SPARC: variants seen among roughly 807,000 people sequenced by gnomAD.
SPARC encodes secreted protein acidic and cysteine rich.
Under a neutral mutation model 37.7 loss-of-function variants are expected in SPARC, and 23 were observed. The ratio of observed to expected loss-of-function variants is 0.61; its 90% CI spans 0.44 to 0.87. The LOEUF (loss-of-function observed/expected upper bound fraction) is 0.87. Among genes scored for constraint, SPARC ranks in the 40% least tolerant of loss-of-function variants. The pLI, the probability that SPARC is intolerant of heterozygous loss-of-function variation, is 0.00. For missense variants in SPARC, 312 were observed against 389.0 expected, an observed-to-expected ratio of 0.80 and a Z score of 1.66; for synonymous variants, 155 against 150.8, an observed-to-expected ratio of 1.03 and a Z score of -0.20.
intron 4 of SPARC, 54 bp from the exon 5 acceptor site, chr5:151,671,748 C>T: frequency 6.2e-7 from 1 of 1,605,776 alleles, no homozygotes; most frequent in Non-Finnish European, 8.5e-7. Flanking sequence ...CACATCCACC[C>T]CCATCCTACC....
At position 151,667,574 on chromosome 5, in the gene SPARC, G is replaced by A. The variant is rs754981050; in HGVS notation, c.478C>T (p.Leu160=). ...KYIPPCLDSE[L]TEFPLRMRDW... ...CGCATGCGCAGGGGGAATTCGGTCA[G>A]CTCAGAGTCCAGGCAAGGGGGGATG... Residue 160 remains leucine (L), a synonymous_variant, in exon 7 of 10, where the codon CTG becomes TTG. Transcript: ENST00000231061. The A allele has an allele frequency of 6.2e-7, 1 of 1,614,168 alleles. No homozygotes were observed. Among genetic ancestry groups the A allele is most frequent in the Non-Finnish European group, 8.5e-7 (1 of 1,180,024 alleles).
In SPARC at chr5:151,661,506, G is replaced by T. The variant is rs1312846109; in HGVS notation, c.*2065C>A. The T allele has an allele frequency of 1.3e-5, 2 of 152,194 alleles. No individual in the cohort carries two copies. The highest frequency in any genetic ancestry group is 2.9e-5 in the Non-Finnish European group (2 of 68,036). 9.4% of individuals were successfully genotyped at this position (152,194 alleles called of 1,614,324 possible). The stretch of plus-strand genomic sequence containing the variant: ...TCTTAACATAACTTAAAATAAGAGA[G>T]GGGAAATGACATCTGGAGATCTAGG... On this transcript the variant is annotated 3_prime_UTR_variant, in exon 10 of 10. Coordinates refer to ENST00000231061, the MANE Select transcript of SPARC (RefSeq NM_003118.4).
intron 1 of SPARC, among the ~76,000 whole-genome samples, chr5:151,683,925 G>A (rs1761068527): frequency 6.6e-6 from 1 of 152,170 alleles, no homozygotes; most frequent in South Asian, 2.1e-4. Flanking sequence ...ATCCCTATGG[G>A]TTTGTACCTG....
chr5:151,663,622 G>A (rs543198389), intron 9 of SPARC, 23 bp from the exon 10 acceptor site: 35 of 1,613,342 alleles, frequency 2.2e-5, no homozygotes, highest in South Asian at 2.1e-4. Flanking sequence ...AAAAGAGCAC[G>A]GTTAAAAATA....
chr5:151,670,719 G>C (rs1000117864), intron 5 of SPARC, among the ~76,000 whole-genome samples: 9 of 152,298 alleles, frequency 5.9e-5, no homozygotes, highest in African/African-American at 1.9e-4. Flanking sequence ...AGGGGAGCCT[G>C]TGTTGAACAT....
chr5:151,673,030 A>C, intron 4 of SPARC, 99 bp downstream of exon 4: 5 of 842,208 alleles, frequency 5.9e-6, no homozygotes, highest in Non-Finnish European at 1.0e-5. Context: ...CCCACCCTGC[A>C]TTTCTGCTGG....
intron 5 of SPARC, among the ~76,000 whole-genome samples, chr5:151,670,769 A>G (rs942658535): frequency 6.6e-6 from 1 of 152,204 alleles, no homozygotes; most frequent in Non-Finnish European, 1.5e-5. Flanking sequence ...ATGTCACTGC[A>G]GAGGGAGAAC....
rs1010337887 is a variant in SPARC, at chr5:151,682,070, G to A, written c.-14+4795C>T. On this transcript the variant is annotated intron_variant, in intron 1 of 9. Transcript: ENST00000231061. ...AGGTTCTTTTCAGCTCTGATTTTCC[G>A]GATCAACTTGGGCAGAAGCTTTTTA... Among the ~76,000 whole-genome samples the A allele has an allele frequency of 3.3e-5, 5 of 152,254 alleles. No homozygotes were observed. The East Asian group carries it at 5.8e-4, about 18-fold the overall frequency.
In SPARC at chr5:151,671,685, T is replaced by C; in HGVS notation, c.218A>G (p.Gln73Arg). Residue 73 changes from glutamine (Q) to arginine (R), a missense_variant, in exon 5 of 10, where the codon CAG (glutamine) becomes CGG (arginine). By Grantham distance (43) the Gln-to-Arg change is conservative (BLOSUM62 1). Coordinates refer to ENST00000231061, the MANE Select transcript of SPARC (RefSeq NM_003118.4). ...EEEVVAENPC[Q>R]NHHCKHGKVC... ...CTTGCCGTGTTTGCAGTGGTGGTTC[T>C]GGCAGGGATCTGTAGGGCAGAAAGA... is the stretch of plus-strand genomic sequence containing the variant. 1 of 1,613,798 alleles carries C rather than the reference T, an allele frequency of 6.2e-7. No individual in the cohort carries two copies. Among genetic ancestry groups the C allele is most frequent in the Non-Finnish European group, 8.5e-7 (1 of 1,179,818 alleles).
intron 9 of SPARC, 83 bp from the exon 10 acceptor site, chr5:151,663,682 C>G: frequency 1.4e-6 from 2 of 1,385,956 alleles, no homozygotes; most frequent in Non-Finnish European, 2.1e-6. Context: ...GGACTCCCAC[C>G]CATCCCCAGG....
At chr5:151,685,241 T>G (rs1414288415) in intron 1 of SPARC, 1 of 152,080 alleles carries the variant, frequency 6.6e-6, no homozygotes, top group Non-Finnish European at 1.5e-5. Flanking sequence ...GAGAGTTAAC[T>G]CTCTCTTTCC....
Position 151,662,797 on chromosome 5 carries a change from A to G in SPARC, c.*774T>C, listed in dbSNP as rs1366573166. On this transcript the variant is annotated 3_prime_UTR_variant, in exon 10 of 10. Transcript: ENST00000231061. The stretch of plus-strand genomic sequence containing the variant: ...CCTGGCAGTCCCTAGAGCCCCTGAG[A>G]AGAGCCCTGGTTCTCCAAAAGACAG... 6.6e-6 allele frequency: 1 copy of G among 152,232 alleles called. No homozygotes were observed. Among genetic ancestry groups the G allele is most frequent in the African/African-American group, 2.4e-5 (1 of 41,440 alleles). The allele number at this position is 152,232 out of a possible 1,614,324, so 9.4% of individuals were successfully genotyped here.
chr5:151,663,961 G>T, intron 9 of SPARC, 126 bp downstream of exon 9: 1 of 1,124,146 alleles, frequency 8.9e-7, no homozygotes. Flanking sequence ...GGCAGAGAGA[G>T]CAGAGACAGG....
At position 151,666,353 on chromosome 5, in the gene SPARC, G is replaced by T; in HGVS notation, c.734+8C>A. 3 of 1,613,186 alleles carry T rather than the reference G, an allele frequency of 1.9e-6. 1 individual carries two copies. Among genetic ancestry groups the T allele is most frequent in the South Asian group, 2.2e-5 (2 of 90,986 alleles). ...GAGCTCTGTTCACTCTAGGGTCTGG[G>T]GTCTTACCCGTCAATGGGGTGCTGG... On this transcript the variant is annotated splice_region_variant and intron_variant, in intron 8 of 9. Coordinates refer to ENST00000231061, the MANE Select transcript of SPARC (RefSeq NM_003118.4).
intron 6 of SPARC, 144 bp from the exon 7 acceptor site, chr5:151,667,744 G>T: frequency 1.2e-6 from 1 of 839,508 alleles, no homozygotes; most frequent in Non-Finnish European, 1.9e-6. Flanking sequence ...TTCTTCACAG[G>T]ACAATGAGCA....
At position 151,663,469 on chromosome 5, in the gene SPARC, TG is replaced by T. The variant is rs1760556305; in HGVS notation, c.*101del. 8.7e-7 allele frequency: 1 copy of T among 1,146,664 alleles called. No individual in the cohort carries two copies. Among genetic ancestry groups the T allele is most frequent in the African/African-American group, 1.5e-5 (1 of 65,190 alleles). The allele number at this position is 1,146,664 out of a possible 1,614,324, so 71.0% of individuals were successfully genotyped here. ...TTCACTTAAATCTATGTTAGCACCT[TG>T]TCTCCAGGCAGAACAACAAACCATC... On this transcript the variant is annotated 3_prime_UTR_variant, in exon 10 of 10. Coordinates refer to ENST00000231061, the MANE Select transcript of SPARC (RefSeq NM_003118.4).
Position 151,673,151 on chromosome 5 carries a change from G to A in SPARC, c.186C>T (p.Thr62=), listed in dbSNP as rs769034890. The change falls in exon 4 of 10, where the codon ACC becomes ACT. Residue 62 remains threonine (T), a synonymous_variant. Coordinates refer to ENST00000231061, the MANE Select transcript of SPARC (RefSeq NM_003118.4). ...VGEFDDGAEE[T]EEEVVAENPC... ...TACTTTCCGCCACCACCTCCTCTTCGGTTTCCTCTGCACCATCATCAAATT... is the reference window on the plus strand; with the variant it reads ...TACTTTCCGCCACCACCTCCTCTTCAGTTTCCTCTGCACCATCATCAAATT... The A allele has an allele frequency of 1.4e-5, 22 of 1,613,580 alleles. No homozygotes were observed. Among genetic ancestry groups the A allele is most frequent in the African/African-American group, 1.2e-4 (9 of 74,916 alleles).
At chr5:151,665,238 T>A (rs1311311872) in intron 8 of SPARC, among the ~76,000 whole-genome samples, 1 of 152,156 alleles carries the variant, frequency 6.6e-6, no homozygotes, top group African/African-American at 2.4e-5. Flanking sequence ...TTGCACCCCA[T>A]CTGAAAGCCT....
At chr5:151,668,018 G>T (rs1298999301) in intron 6 of SPARC, among the ~76,000 whole-genome samples, 2 of 152,202 alleles carry the variant, frequency 1.3e-5, no homozygotes, top group Non-Finnish European at 2.9e-5. Context: ...GAGGACTCAG[G>T]AATGTGTAAC....
Sources: allele counts gnomAD v4.1 joint callset (sites outside exome capture counted in the v4.1 genomes callset), GRCh38; gene constraint gnomAD v4.1.1; transcripts MANE v1.5; gene names NCBI Gene and HGNC (gene_info 2026-07-23, HGNC 2026-07-21).